The following SAMSN1 variants were observed in gnomAD, a reference collection of about 807,000 sequenced individuals.
SAMSN1 encodes SAM domain-containing protein SAMSN-1.
In SAMSN1, 31 loss-of-function variants were observed where a neutral mutation model predicts 42.0. That is an observed-to-expected ratio of 0.74 (90% confidence interval 0.55 to 1.00). The LOEUF (loss-of-function observed/expected upper bound fraction) is 1.00, where lower values mean the gene tolerates loss of function less well. Among genes scored for constraint, SAMSN1 ranks in the 50% least tolerant of loss-of-function variants. The pLI, the probability that SAMSN1 is intolerant of heterozygous loss-of-function variation, is 0.00. For missense variants in SAMSN1, 464 were observed against 439.4 expected (o/e 1.06, Z -0.50); for synonymous variants, 178 against 151.9 (o/e 1.17, Z -1.26).
Position 14,542,689 on chromosome 21 carries a change from C to CT in SAMSN1, c.57+3515dup, listed in dbSNP as rs1488539916. ...GTTGCTCATGCCTGTAATCCCAGCA[C>CT]TTTGGAAGGCTGAGGTGGTTTGAGA... On this transcript the variant is annotated intron_variant, in intron 1 of 7. Coordinates refer to ENST00000400566, the MANE Select transcript of SAMSN1 (RefSeq NM_022136.5). Among the ~76,000 whole-genome samples, 5 of 152,108 alleles carry CT rather than the reference C, an allele frequency of 3.3e-5. 1 individual carries two copies. Among genetic ancestry groups the CT allele is most frequent in the South Asian group, 4.1e-4 (2 of 4,830 alleles).
intron 2 of SAMSN1, among the ~76,000 whole-genome samples, chr21:14,577,259 TATATATATATATATATATATA>T (rs1981517653): frequency 2.4e-4 from 11 of 46,610 alleles, no homozygotes; most frequent in African/African-American, 8.2e-4. Context: ...TATATATATA[TATATATATATATATATATATA>T]TATATTTTTT....
upstream of SAMSN1, chr21:14,583,535 A>G: frequency 1.7e-6 from 1 of 593,508 alleles, no homozygotes; most frequent in Non-Finnish European, 3.0e-6. Flanking sequence ...CAATAAAAAA[A>G]AATCCTCAAT....
At chr21:14,638,016 T>C (rs1005034261) in intron 2 of SAMSN1, among the ~76,000 whole-genome samples, 1 of 152,146 alleles carries the variant, frequency 6.6e-6, no homozygotes, top group Non-Finnish European at 1.5e-5. Context: ...GTGGTGGACA[T>C]AGTAGACTTC....
At chr21:14,532,197 A>G (rs1979310544) in intron 1 of SAMSN1, among the ~76,000 whole-genome samples, 1 of 152,174 alleles carries the variant, frequency 6.6e-6, no homozygotes. Flanking sequence ...ACCTTTTTAG[A>G]AATAATAAAA....
intron 7 of SAMSN1, among the ~76,000 whole-genome samples, chr21:14,487,111 C>T (rs962655958): frequency 1.3e-5 from 2 of 152,178 alleles, no homozygotes; most frequent in East Asian, 1.9e-4. Flanking sequence ...AACCTTGGGG[C>T]TTCACCACTG....
Position 14,500,394 on chromosome 21 carries a change from C to T in SAMSN1, c.768+135G>A, listed in dbSNP as rs570724911. The T allele has an allele frequency of 3.8e-5, 26 of 682,248 alleles. No individual in the cohort carries two copies. The African/African-American group carries it at 4.5e-4, about 12-fold the overall frequency. 42.3% of individuals were successfully genotyped at this position (682,248 alleles called of 1,614,324 possible). A position where few individuals can be genotyped will look rare whatever the true frequency, so the allele number is the denominator to read the frequency against. On this transcript the variant is annotated intron_variant, in intron 6 of 7. Transcript: ENST00000400566. ...AAAAGTAATAAAAGAGAAATAAGAG[C>T]TCTTCTAGGAAAACAGGTTTTCCTT...
intron 2 of SAMSN1, among the ~76,000 whole-genome samples, chr21:14,552,977 G>T (rs1980646691): frequency 6.6e-6 from 1 of 151,844 alleles, no homozygotes; most frequent in Admixed American, 6.6e-5. Flanking sequence ...GAAAACACAA[G>T]CACCCTCTCC....
intron 6 of SAMSN1, among the ~76,000 whole-genome samples, chr21:14,601,214 T>G (rs1206296927): frequency 6.6e-6 from 1 of 152,146 alleles, no homozygotes; most frequent in African/African-American, 2.4e-5. Context: ...TTATCACATC[T>G]TGTAGCATAG....
intron 2 of SAMSN1, among the ~76,000 whole-genome samples, chr21:14,573,929 C>A (rs1167866368): frequency 2.0e-5 from 3 of 152,154 alleles, no homozygotes; most frequent in Non-Finnish European, 4.4e-5. Context: ...CAAAATATGT[C>A]TTTTCTATAG....
chr21:14,582,838 A>T (rs1035446141), intron 1 of SAMSN1, among the ~76,000 whole-genome samples: 4 of 133,624 alleles, frequency 3.0e-5, no homozygotes, highest in African/African-American at 1.4e-4. Context: ...ATTCTTAAAT[A>T]TTTTTTTAAT....
At chr21:14,489,338 GT>G (rs1425497305) in intron 7 of SAMSN1, among the ~76,000 whole-genome samples, 5 of 152,088 alleles carry the variant, frequency 3.3e-5, no homozygotes, top group Non-Finnish European at 7.4e-5. Flanking sequence ...AATACGCTAG[GT>G]TTAAAAAAGT....
In SAMSN1 at chr21:14,656,932, G is replaced by T. The variant is rs1247162051; in HGVS notation, c.24+1816C>A. 7.3e-5 allele frequency among the ~76,000 whole-genome samples: 11 copies of T among 151,644 alleles called. No individual in the cohort carries two copies. In the East Asian group the frequency reaches 1.9e-3, roughly 27 times the overall value. Reference sequence around the variant, plus strand: ...TATACCTTCATTTTTTTTAATTCAAGAATCTTTCCATTAAACCAGTGGTTT... The same window carrying T: ...TATACCTTCATTTTTTTTAATTCAATAATCTTTCCATTAAACCAGTGGTTT... On this transcript the variant is annotated intron_variant, in intron 1 of 15. Coordinates refer to the SAMSN1 transcript ENST00000647101.
At chr21:14,519,837 C>A (rs1978340431) in intron 2 of SAMSN1, among the ~76,000 whole-genome samples, 1 of 152,100 alleles carries the variant, frequency 6.6e-6, no homozygotes. Context: ...AGTAGACACC[C>A]CTTCTCTGTA....
At chr21:14,621,946 C>T (rs1183014929) in intron 2 of SAMSN1, among the ~76,000 whole-genome samples, 1 of 152,228 alleles carries the variant, frequency 6.6e-6, no homozygotes, top group Non-Finnish European at 1.5e-5. Flanking sequence ...AAAGATCAGG[C>T]AGCAACATTT....
chr21:14,611,958 G>A (rs563483032), intron 4 of SAMSN1, among the ~76,000 whole-genome samples: 98 of 152,276 alleles, frequency 6.4e-4, no homozygotes, highest in African/African-American at 2.2e-3. Context: ...ATTGAGGCCA[G>A]GCATGGTGGC....
intron 2 of SAMSN1, among the ~76,000 whole-genome samples, chr21:14,520,752 A>G (rs1198454133): frequency 1.3e-5 from 2 of 152,100 alleles, no homozygotes; most frequent in Admixed American, 1.3e-4. Flanking sequence ...GGACGGAGCT[A>G]TGGGAAGGTC....
At chr21:14,629,923 T>C (rs888478831) in intron 2 of SAMSN1, among the ~76,000 whole-genome samples, 2 of 152,220 alleles carry the variant, frequency 1.3e-5, no homozygotes, top group African/African-American at 2.4e-5. Flanking sequence ...TGTCCTTAAA[T>C]GTGATTTATA....
At chr21:14,567,392 T>A (rs1600934564) in intron 2 of SAMSN1, among the ~76,000 whole-genome samples, 1 of 151,864 alleles carries the variant, frequency 6.6e-6, no homozygotes, top group East Asian at 1.9e-4. Flanking sequence ...ATGATAAAAA[T>A]TATTTAATTT....
At chr21:14,524,318 A>C (rs184685535) in intron 1 of SAMSN1, among the ~76,000 whole-genome samples, 2 of 152,184 alleles carry the variant, frequency 1.3e-5, no homozygotes, top group Admixed American at 1.3e-4. Flanking sequence ...TAGACTTAGT[A>C]AATATTATCT....
Sources: allele counts gnomAD v4.1 joint callset (sites outside exome capture counted in the v4.1 genomes callset), GRCh38; gene constraint gnomAD v4.1.1; transcripts MANE v1.5; gene names NCBI Gene and HGNC (gene_info 2026-07-23, HGNC 2026-07-21).